ZCCHC7: variants seen among roughly 807,000 people sequenced by gnomAD.
ZCCHC7 encodes the protein zinc finger CCHC domain-containing protein 7.
ZCCHC7 carries 35 observed loss-of-function variants against 52.0 expected under a neutral mutation model. The observed-to-expected ratio is 0.67, with a 90% CI of 0.51 to 0.89. The LOEUF is 0.89. Among genes scored for constraint, ZCCHC7 ranks in the 40% least tolerant of loss-of-function variants. The pLI, the probability that ZCCHC7 is intolerant of heterozygous loss-of-function variation, is 0.00. For synonymous variants in ZCCHC7, 217 were observed against 221.5 expected, an observed-to-expected ratio of 0.98 and a Z score of 0.18; for missense variants, 574 against 649.1, an observed-to-expected ratio of 0.88 and a Z score of 1.26.
At chr9:37,120,712 C>T (rs1290281871) in intron 1 of ZCCHC7, 89 bp downstream of exon 1, 3 of 366,972 alleles carry the variant, frequency 8.2e-6, no homozygotes, top group South Asian at 2.7e-4. Context: ...GGAACTAGCG[C>T]GTGCCCCCTC....
rs147194954 is a variant in ZCCHC7, at chr9:37,305,544, A to G, written c.781A>G (p.Lys261Glu). The change falls in exon 5 of 9, where the codon AAA becomes GAA. Residue 261 changes from lysine (K) to glutamate (E), a missense_variant and splice_region_variant. Coordinates refer to ENST00000336755, the MANE Select transcript of ZCCHC7 (RefSeq NM_032226.3). The stretch of plus-strand genomic sequence containing the variant: ...ATTTTATGTTTTTTTCGCCACATAG[A>G]AAGTTCGTCGCTGCTTCCTGTGCTC... Reference protein sequence around the residue: ...HLSKNCPLPRKVRRCFLCSRR... With the variant: ...HLSKNCPLPREVRRCFLCSRR... The G allele has an allele frequency of 5.6e-6, 9 of 1,613,426 alleles. No homozygotes were observed. Among genetic ancestry groups the G allele is most frequent in the Non-Finnish European group, 7.6e-6 (9 of 1,179,860 alleles).
intron 2 of ZCCHC7, among the ~76,000 whole-genome samples, chr9:37,177,550 A>G (rs1822107233): frequency 6.6e-6 from 1 of 152,182 alleles, no homozygotes; most frequent in African/African-American, 2.4e-5. Context: ...AACAATGAAG[A>G]ATAGTAATAT....
intron 2 of ZCCHC7, among the ~76,000 whole-genome samples, chr9:37,291,500 A>G (rs1443674982): frequency 6.6e-6 from 1 of 152,304 alleles, no homozygotes; most frequent in East Asian, 1.9e-4. Flanking sequence ...ATATTTGTGC[A>G]TCTAAATTTA....
At chr9:37,228,350 G>A (rs1825223045) in intron 2 of ZCCHC7, among the ~76,000 whole-genome samples, 1 of 151,940 alleles carries the variant, frequency 6.6e-6, no homozygotes, top group Non-Finnish European at 1.5e-5. Flanking sequence ...AAAATTTATT[G>A]TAAAGTTCTG....
intron 2 of ZCCHC7, among the ~76,000 whole-genome samples, chr9:37,182,290 A>C (rs1822398451): frequency 6.6e-6 from 1 of 152,014 alleles, no homozygotes; most frequent in African/African-American, 2.4e-5. Context: ...TTTATCTATT[A>C]GCATTATTTT....
chr9:37,123,091 T>C (rs982918879), intron 1 of ZCCHC7, among the ~76,000 whole-genome samples: 1 of 152,114 alleles, frequency 6.6e-6, no homozygotes, highest in African/African-American at 2.4e-5. Flanking sequence ...ATGGGAAGAT[T>C]GAGGAGTCTG....
intron 2 of ZCCHC7, among the ~76,000 whole-genome samples, chr9:37,298,188 A>G (rs1828871382): frequency 1.3e-5 from 2 of 152,338 alleles, no homozygotes; most frequent in South Asian, 4.1e-4. Context: ...TCTCATAACT[A>G]CTATGCAGTA....
intron 2 of ZCCHC7, among the ~76,000 whole-genome samples, chr9:37,198,722 C>G (rs1823422872): frequency 6.6e-6 from 1 of 152,168 alleles, no homozygotes; most frequent in African/African-American, 2.4e-5. Context: ...TGTGTATATT[C>G]TGCAGTCTCT....
intron 2 of ZCCHC7, among the ~76,000 whole-genome samples, chr9:37,179,024 T>C (rs953384389): frequency 2.0e-5 from 3 of 152,228 alleles, no homozygotes; most frequent in Non-Finnish European, 2.9e-5. Context: ...GTGGTCATTA[T>C]TTCTTTGCCT....
rs1824230031 is a variant in ZCCHC7 at position 37,211,778 on chromosome 9, CAG to C, written c.610+84837_610+84838del. Among the ~76,000 whole-genome samples, 2 of 152,092 alleles carry C rather than the reference CAG, an allele frequency of 1.3e-5. 1 individual carries two copies. Among genetic ancestry groups the C allele is most frequent in the African/African-American group, 4.8e-5 (2 of 41,446 alleles). On this transcript the variant is annotated intron_variant, in intron 2 of 8. Coordinates refer to ENST00000336755, the MANE Select transcript of ZCCHC7 (RefSeq NM_032226.3). ...GCGCGGTGGCTCACGCCTGTAATCA[CAG>C]CACTTTGGGAGGCCAATGTGGGCGG...
chr9:37,241,963 C>T (rs1028246546), intron 2 of ZCCHC7, among the ~76,000 whole-genome samples: 8 of 151,724 alleles, frequency 5.3e-5, no homozygotes, highest in Admixed American at 1.3e-4. Flanking sequence ...TGAAACATTG[C>T]ACCATTTTTT....
intron 2 of ZCCHC7, among the ~76,000 whole-genome samples, chr9:37,157,602 A>G (rs1266838478): frequency 2.0e-5 from 3 of 152,242 alleles, no homozygotes; most frequent in African/African-American, 7.2e-5. Flanking sequence ...ATTTGTAGCA[A>G]ACCAAGTAAC....
intron 2 of ZCCHC7, among the ~76,000 whole-genome samples, chr9:37,290,330 AT>A (rs914614500): frequency 6.6e-6 from 1 of 151,760 alleles, no homozygotes; most frequent in South Asian, 2.1e-4. Context: ...TAGTTTGAAA[AT>A]TTTTTTTTAT....
chr9:37,204,000 C>G (rs917696676), intron 2 of ZCCHC7, among the ~76,000 whole-genome samples: 7 of 152,184 alleles, frequency 4.6e-5, no homozygotes, highest in Non-Finnish European at 7.3e-5. Context: ...AATCGCCATT[C>G]TGACTGGCAT....
intron 2 of ZCCHC7, among the ~76,000 whole-genome samples, chr9:37,279,260 G>A (rs1165934178): frequency 6.6e-6 from 1 of 151,642 alleles, no homozygotes; most frequent in Non-Finnish European, 1.5e-5. Context: ...AATACATATG[G>A]CAACTATATC....
chr9:37,297,517 T>C (rs1828842154), intron 2 of ZCCHC7, among the ~76,000 whole-genome samples: 2 of 152,248 alleles, frequency 1.3e-5, no homozygotes, highest in African/African-American at 4.8e-5. Flanking sequence ...CATTGTATGC[T>C]GAATCATACA....
chr9:37,323,531 T>A (rs1830129904), intron 5 of ZCCHC7, among the ~76,000 whole-genome samples: 1 of 152,184 alleles, frequency 6.6e-6, no homozygotes, highest in African/African-American at 2.4e-5. Flanking sequence ...ACCGATTGGT[T>A]AAAAAAATTA....
intron 2 of ZCCHC7, among the ~76,000 whole-genome samples, chr9:37,224,301 A>G (rs2133278242): frequency 6.6e-6 from 1 of 152,188 alleles, no homozygotes; most frequent in Admixed American, 6.5e-5. Context: ...AAAGTGTACA[A>G]TTTTTTAAAA....
At chr9:37,235,484 T>C (rs976408006) in intron 2 of ZCCHC7, among the ~76,000 whole-genome samples, 1 of 149,990 alleles carries the variant, frequency 6.7e-6, no homozygotes, top group East Asian at 2.0e-4. Context: ...CCTTCCTTTC[T>C]TTCCTTCCTT....
Sources: allele counts gnomAD v4.1 joint callset (sites outside exome capture counted in the v4.1 genomes callset), GRCh38; gene constraint gnomAD v4.1.1; transcripts MANE v1.5; gene names NCBI Gene and HGNC (gene_info 2026-07-23, HGNC 2026-07-21).